The following ARIH1 variants were observed in gnomAD, a reference collection of about 807,000 sequenced individuals.
ARIH1 encodes ariadne RBR E3 ubiquitin protein ligase 1, also known as E3 ubiquitin-protein ligase ARIH1.
ARIH1 carries 8 observed loss-of-function variants against 85.0 expected under a neutral mutation model. The observed-to-expected ratio is 0.09, with a 90% CI of 0.06 to 0.17. The LOEUF is 0.17. Ranked by LOEUF, ARIH1 falls within the 10% of genes least tolerant of loss-of-function variation. The pLI is 1.00. For missense variants in ARIH1, 311 were observed against 718.1 expected, an observed-to-expected ratio of 0.43 and a Z score of 6.48; for synonymous variants, 238 against 253.6, an observed-to-expected ratio of 0.94 and a Z score of 0.59.
At chr15:72,509,042 G>C (rs2063938957) in intron 1 of ARIH1, among the ~76,000 whole-genome samples, 1 of 150,056 alleles carries the variant, frequency 6.7e-6, no homozygotes, top group Admixed American at 6.7e-5. Flanking sequence ...CCCAGGCTGG[G>C]TGCAGTGGCC....
chr15:72,530,813 G>GA (rs1033537862), intron 2 of ARIH1, among the ~76,000 whole-genome samples: 1 of 152,118 alleles, frequency 6.6e-6, no homozygotes, highest in Non-Finnish European at 1.5e-5. Context: ...TAGTGTATTT[G>GA]AAAATCAAAC....
At chr15:72,558,076 T>G (rs149781063) in intron 5 of ARIH1, among the ~76,000 whole-genome samples, 5 of 152,326 alleles carry the variant, frequency 3.3e-5, no homozygotes, top group African/African-American at 1.2e-4. Context: ...TCCAGTACTA[T>G]GTTGAATAGG....
chr15:72,545,506 T>G (rs1281040622), intron 3 of ARIH1, among the ~76,000 whole-genome samples: 1 of 152,214 alleles, frequency 6.6e-6, no homozygotes, highest in Non-Finnish European at 1.5e-5. Flanking sequence ...TGTTAATCCC[T>G]TAAGTACAAA....
chr15:72,543,803 A>G (rs1031785977), intron 2 of ARIH1, among the ~76,000 whole-genome samples: 1 of 152,158 alleles, frequency 6.6e-6, no homozygotes, highest in Non-Finnish European at 1.5e-5. Flanking sequence ...ACCAGATTGC[A>G]CATTAATATT....
At chr15:72,573,548 CTAAATAAATAAA>C (rs563388781) in intron 11 of ARIH1, among the ~76,000 whole-genome samples, 1 of 151,462 alleles carries the variant, frequency 6.6e-6, no homozygotes, top group East Asian at 1.9e-4. Flanking sequence ...GACTCTGTCG[CTAAATAAATAAA>C]TAAATAAATA....
At chr15:72,515,477 A>G (rs141879248) in intron 1 of ARIH1, among the ~76,000 whole-genome samples, 1 of 152,084 alleles carries the variant, frequency 6.6e-6, no homozygotes, top group East Asian at 1.9e-4. Flanking sequence ...TGTTTTTTGT[A>G]TTTGCTGTGT....
At chr15:72,550,160 A>G (rs924951484) in intron 3 of ARIH1, among the ~76,000 whole-genome samples, 1 of 152,202 alleles carries the variant, frequency 6.6e-6, no homozygotes, top group African/African-American at 2.4e-5. Flanking sequence ...TAACTTGTTT[A>G]ATCTTGTTAT....
intron 6 of ARIH1, among the ~76,000 whole-genome samples, chr15:72,563,183 C>T (rs1397712181): frequency 6.6e-6 from 1 of 152,014 alleles, no homozygotes; most frequent in Non-Finnish European, 1.5e-5. Flanking sequence ...CCTGTGTAGT[C>T]GGGACTACAG....
chr15:72,555,934 G>T (rs2064172711), intron 5 of ARIH1, 27 bp downstream of exon 5: 1 of 1,586,316 alleles, frequency 6.3e-7, no homozygotes, highest in African/African-American at 1.3e-5. Context: ...GATTCTGCAT[G>T]TGAATATTGG....
intron 7 of ARIH1, among the ~76,000 whole-genome samples, chr15:72,565,243 T>C (rs1030808778): frequency 2.0e-5 from 3 of 152,084 alleles, no homozygotes; most frequent in Admixed American, 6.5e-5. Context: ...TTTATTTATT[T>C]GTTTATTTAT....
At chr15:72,483,227 A>G (rs1044796297) in intron 1 of ARIH1, among the ~76,000 whole-genome samples, 1 of 152,088 alleles carries the variant, frequency 6.6e-6, no homozygotes, top group Admixed American at 6.6e-5. Flanking sequence ...TTTGGCTGTG[A>G]CCAGGCCAGA....
intron 1 of ARIH1, among the ~76,000 whole-genome samples, chr15:72,505,164 C>G (rs1188115541): frequency 6.6e-6 from 1 of 152,178 alleles, no homozygotes; most frequent in African/African-American, 2.4e-5. Flanking sequence ...AGTGAAGATT[C>G]AGTAGATGGC....
intron 6 of ARIH1, among the ~76,000 whole-genome samples, 164 bp from the exon 7 acceptor site, chr15:72,563,230 T>C (rs555294786): frequency 2.6e-5 from 4 of 152,114 alleles, no homozygotes; most frequent in Non-Finnish European, 5.9e-5. Flanking sequence ...TCTTTTTTCT[T>C]TTTTTTAAGG....
At chr15:72,562,897 A>T (rs1185719205) in intron 6 of ARIH1, among the ~76,000 whole-genome samples, 12 of 8,330 alleles carry the variant, frequency 1.4e-3, no homozygotes, top group Admixed American at 0.019. Context: ...AGTCATCTTT[A>T]AAAAAAAAAA....
chr15:72,536,494 T>A (rs1745667873), intron 2 of ARIH1, among the ~76,000 whole-genome samples: 1 of 152,244 alleles, frequency 6.6e-6, no homozygotes, highest in African/African-American at 2.4e-5. Context: ...AAAAGCTTTT[T>A]GATTAGCAAA....
At chr15:72,516,510 A>G (rs536450998) in intron 1 of ARIH1, among the ~76,000 whole-genome samples, 1 of 152,336 alleles carries the variant, frequency 6.6e-6, no homozygotes, top group South Asian at 2.1e-4. Context: ...ATAAACGTAT[A>G]ACTTAGGATC....
At position 72,585,763 on chromosome 15, in the gene ARIH1, C is replaced by T. The variant is rs935829630; in HGVS notation, c.*2471C>T. On this transcript the variant is annotated 3_prime_UTR_variant, in exon 14 of 14. Transcript: ENST00000379887. ...ATTTGTATGATCAAGATGAACTGGC[C>T]CTTTTCTACTTCCAAGCTTTTAACA... 1.8e-4 allele frequency: 28 copies of T among 152,094 alleles called. No homozygotes were observed. Among genetic ancestry groups the T allele is most frequent in the African/African-American group, 6.8e-4 (28 of 41,400 alleles). 9.4% of individuals were successfully genotyped at this position (152,094 alleles called of 1,614,324 possible). A position where few individuals can be genotyped will look rare whatever the true frequency, so the allele number is the denominator to read the frequency against.
At chr15:72,511,165 TTTCCGTGTACACG>T (rs1387531658) in intron 1 of ARIH1, among the ~76,000 whole-genome samples, 1 of 152,244 alleles carries the variant, frequency 6.6e-6, no homozygotes, top group East Asian at 1.9e-4. Flanking sequence ...ATTTTGCAGT[TTTCCGTGTACACG>T]TTCTTCACAT....
rs2064325817 is a variant in ARIH1, at chr15:72,588,161, G to A, written c.*4869G>A. The A allele has an allele frequency of 6.6e-6, 1 of 152,132 alleles. No homozygotes were observed. The highest frequency in any genetic ancestry group is 1.5e-5 in the Non-Finnish European group (1 of 68,014). 9.4% of individuals were successfully genotyped at this position (152,132 alleles called of 1,614,324 possible). ...CAACAAGAGCCAAGTAAATATTTTA[G>A]AAATAGAGTACCCTGGAGTAGATGG... On this transcript the variant is annotated 3_prime_UTR_variant, in exon 14 of 14. Coordinates refer to ENST00000379887, the MANE Select transcript of ARIH1 (RefSeq NM_005744.5).
Sources: gnomAD v4.1 joint callset for allele counts (sites outside exome capture counted in the v4.1 genomes callset) on GRCh38, gnomAD v4.1.1 for gene constraint, MANE v1.5 for transcripts, NCBI Gene and HGNC (gene_info 2026-07-23, HGNC 2026-07-21) for gene names.